CDH9: variants seen among roughly 807,000 people sequenced by gnomAD.
CDH9 encodes cadherin 9.
CDH9 carries 28 observed loss-of-function variants against 70.9 expected under a neutral mutation model. That is an observed-to-expected ratio of 0.40 (90% CI 0.29 to 0.54). The LOEUF (loss-of-function observed/expected upper bound fraction) is 0.54, where lower values mean the gene tolerates loss of function less well. CDH9 is among the 20% of genes least tolerant of loss of function. The probability of loss-of-function intolerance (pLI) is 0.59; values close to 1 mark genes in which losing one functional copy is unlikely to be tolerated. For synonymous variants in CDH9, 409 were observed against 343.1 expected, an observed-to-expected ratio of 1.19 and a Z score of -2.12; for missense variants, 874 against 984.4, an observed-to-expected ratio of 0.89 and a Z score of 1.50.
intron 2 of CDH9, among the ~76,000 whole-genome samples, chr5:26,983,693 T>C (rs910665466): frequency 6.7e-6 from 1 of 150,240 alleles, no homozygotes; most frequent in African/African-American, 2.5e-5. Context: ...TACTGCACTA[T>C]AAGTAATGAT....
At chr5:26,898,694 G>A (rs964468371) in intron 7 of CDH9, among the ~76,000 whole-genome samples, 1 of 152,124 alleles carries the variant, frequency 6.6e-6, no homozygotes, top group Admixed American at 6.5e-5. Context: ...AGACATAAAC[G>A]TAAGACCTAA....
intron 2 of CDH9, among the ~76,000 whole-genome samples, chr5:26,917,550 A>G (rs1232797578): frequency 6.6e-6 from 1 of 152,008 alleles, no homozygotes; most frequent in African/African-American, 2.4e-5. Context: ...GAATTATTTG[A>G]CTATTTAAAT....
intron 1 of CDH9, among the ~76,000 whole-genome samples, chr5:27,010,969 C>G (rs576822080): frequency 8.5e-4 from 130 of 152,148 alleles, no homozygotes; most frequent in African/African-American, 3.1e-3. Context: ...CACCATGTTC[C>G]CATAATTGTC....
intron 2 of CDH9, among the ~76,000 whole-genome samples, chr5:26,965,200 T>A (rs1742108661): frequency 6.6e-6 from 1 of 152,140 alleles, no homozygotes; most frequent in South Asian, 2.1e-4. Context: ...ATGAAATCTT[T>A]TAAAATTAAA....
chr5:26,966,918 G>A (rs143279021), intron 2 of CDH9, among the ~76,000 whole-genome samples: 10 of 151,786 alleles, frequency 6.6e-5, no homozygotes, highest in African/African-American at 2.2e-4. Context: ...TTTAAAAAAT[G>A]TTTTTAAGTG....
intron 2 of CDH9, among the ~76,000 whole-genome samples, chr5:26,971,693 T>C (rs1241340531): frequency 6.6e-6 from 1 of 152,148 alleles, no homozygotes; most frequent in East Asian, 1.9e-4. Flanking sequence ...GCCTGCAGCA[T>C]GCTAAGGGGA....
chr5:26,993,698 C>CAA (rs34545141), intron 1 of CDH9, among the ~76,000 whole-genome samples: 23,417 of 50,932 alleles, frequency 0.46, 6,659 homozygotes, highest in Non-Finnish European at 0.58. Context: ...TATTCAGCTG[C>CAA]AAAAAAAAAA....
At chr5:27,033,591 CTG>C (rs1164263236) in intron 1 of CDH9, among the ~76,000 whole-genome samples, 1 of 151,226 alleles carries the variant, frequency 6.6e-6, no homozygotes, top group African/African-American at 2.4e-5. Context: ...TAACAGGAAA[CTG>C]TTACATTTCC....
chr5:26,885,899 T>G, intron 10 of CDH9, 34 bp from the exon 11 acceptor site: 1 of 1,605,094 alleles, frequency 6.2e-7, no homozygotes, highest in African/African-American at 1.3e-5. Context: ...AACAAAAACT[T>G]TCATATTTGT....
At chr5:26,912,472 G>A (rs1741070498) in intron 3 of CDH9, among the ~76,000 whole-genome samples, 1 of 150,282 alleles carries the variant, frequency 6.7e-6, no homozygotes, top group Non-Finnish European at 1.5e-5. Context: ...ACATTTATAT[G>A]GTTATATATA....
chr5:27,006,086 G>A (rs1742860196), intron 1 of CDH9, among the ~76,000 whole-genome samples: 1 of 151,792 alleles, frequency 6.6e-6, no homozygotes, highest in Non-Finnish European at 1.5e-5. Flanking sequence ...TTAATACCTG[G>A]GTGACTACCT....
chr5:26,926,926 C>G (rs925029149), intron 2 of CDH9, among the ~76,000 whole-genome samples: 1 of 143,712 alleles, frequency 7.0e-6, no homozygotes, highest in Non-Finnish European at 1.5e-5. Context: ...AGCCCCCCCC[C>G]GCAAAAAAAA....
chr5:26,943,469 C>T (rs571100315), intron 2 of CDH9, among the ~76,000 whole-genome samples: 35 of 148,142 alleles, frequency 2.4e-4, no homozygotes, highest in Non-Finnish European at 4.0e-4. Context: ...GCTGAGATCA[C>T]GCCACTGCAC....
At chr5:26,961,657 A>T (rs1050029389) in intron 2 of CDH9, among the ~76,000 whole-genome samples, 16 of 152,126 alleles carry the variant, frequency 1.1e-4, no homozygotes, top group Non-Finnish European at 2.2e-4. Flanking sequence ...TAAACAAAAT[A>T]AAAAAACTAA....
intron 7 of CDH9, among the ~76,000 whole-genome samples, chr5:26,891,109 G>A (rs1473944666): frequency 6.6e-6 from 1 of 152,124 alleles, no homozygotes; most frequent in Admixed American, 6.5e-5. Context: ...AAAATGAAAT[G>A]TTATATCACC....
At position 26,886,043 on chromosome 5, in the gene CDH9, G is replaced by A. The variant is rs781524377; in HGVS notation, c.1553C>T (p.Pro518Leu). The stretch of plus-strand genomic sequence containing the variant: ...TTCAAAAAAGAATTTGTGACCTCGG[G>A]GAGGGTCATCCTTATCCATGACACT... ...TVSVMDKDDPPRGHKFFFEPV... is the reference protein window; with the variant it reads ...TVSVMDKDDPLRGHKFFFEPV... The change falls in exon 10 of 12, where the codon CCC becomes CTC. Residue 518 changes from proline (P) to leucine (L), a missense_variant. Coordinates refer to ENST00000231021, the MANE Select transcript of CDH9 (RefSeq NM_016279.4). 1.9e-6 allele frequency: 3 copies of A among 1,611,288 alleles called. No individual in the cohort carries two copies. The highest frequency in any genetic ancestry group is 1.7e-4 in the Middle Eastern group (1 of 6,042).
intron 7 of CDH9, among the ~76,000 whole-genome samples, chr5:26,892,649 G>A (rs1297295859): frequency 2.0e-5 from 3 of 152,120 alleles, no homozygotes; most frequent in Non-Finnish European, 4.4e-5. Context: ...ACAGTTTGGT[G>A]CTGGCTTTGG....
intron 6 of CDH9, 68 bp downstream of exon 6, chr5:26,903,569 C>A (rs1740893214): frequency 9.9e-7 from 1 of 1,012,234 alleles, no homozygotes. Flanking sequence ...GGCTTTTTTT[C>A]CCTTTACTGA....
chr5:26,962,359 A>G (rs962941502), intron 2 of CDH9, among the ~76,000 whole-genome samples: 1 of 152,190 alleles, frequency 6.6e-6, no homozygotes, highest in Non-Finnish European at 1.5e-5. Context: ...TTGCTGGGTC[A>G]AATGATATTT....
Sources: gnomAD v4.1 joint callset for allele counts (sites outside exome capture counted in the v4.1 genomes callset) on GRCh38, gnomAD v4.1.1 for gene constraint, MANE v1.5 for transcripts, NCBI Gene and HGNC (gene_info 2026-07-23, HGNC 2026-07-21) for gene names.